Variants in ZNF780B observed in about 807,000 individuals in gnomAD.
The protein encoded by ZNF780B is zinc finger protein 780B, also known as zinc finger protein 779.
In ZNF780B, 52 loss-of-function variants were observed where a neutral mutation model predicts 74.1. The observed-to-expected ratio is 0.70, with a 90% CI of 0.56 to 0.88. The LOEUF is 0.88. Ranked by LOEUF, ZNF780B falls within the 40% of genes least tolerant of loss-of-function variation. The probability of loss-of-function intolerance (pLI) is 0.00; values close to 1 mark genes in which losing one functional copy is unlikely to be tolerated. For missense variants in ZNF780B, 953 were observed against 1,007.6 expected, an observed-to-expected ratio of 0.95 and a Z score of 0.73; for synonymous variants, 315 against 324.3, an observed-to-expected ratio of 0.97 and a Z score of 0.31.
intron 1 of ZNF780B, chr19:40,055,483 G>C (rs1973452820): frequency 6.6e-6 from 1 of 152,086 alleles, no homozygotes; most frequent in Non-Finnish European, 1.5e-5. Flanking sequence ...ATAATAATAC[G>C]ACTGGAGAAG....
chr19:40,039,019 T>A (rs1216605241), intron 4 of ZNF780B, among the ~76,000 whole-genome samples: 1 of 152,256 alleles, frequency 6.6e-6, no homozygotes, highest in East Asian at 1.9e-4. Context: ...TGCCCAGGTT[T>A]TCTTCTAGGG....
chr19:40,056,140 G>A (rs984564872), intron 1 of ZNF780B, 49 bp downstream of exon 1: 5 of 152,266 alleles, frequency 3.3e-5, no homozygotes, highest in African/African-American at 1.2e-4. Context: ...CCCAGTCCAC[G>A]AAGACCTCCC....
At chr19:40,053,182 A>G (rs553848526) in intron 1 of ZNF780B, among the ~76,000 whole-genome samples, 1 of 152,216 alleles carries the variant, frequency 6.6e-6, no homozygotes, top group Non-Finnish European at 1.5e-5. Context: ...CATGTATCTA[A>G]TAAGGGGTTA....
intron 1 of ZNF780B, among the ~76,000 whole-genome samples, chr19:40,054,937 T>C (rs988681743): frequency 2.6e-5 from 4 of 152,194 alleles, no homozygotes; most frequent in Non-Finnish European, 5.9e-5. Flanking sequence ...TATCATCTCA[T>C]GGACTCTCCC....
At chr19:40,044,249 G>A (rs745510023) in intron 4 of ZNF780B, among the ~76,000 whole-genome samples, 1 of 152,112 alleles carries the variant, frequency 6.6e-6, no homozygotes. Flanking sequence ...TCCAACTCTA[G>A]TAAGAGATGC....
chr19:40,039,054 G>T lies in ZNF780B; in HGVS notation c.233-2428C>A, dbSNP rs765268226. On this transcript the variant is annotated intron_variant, in intron 4 of 4. Coordinates refer to ENST00000434248, the MANE Select transcript of ZNF780B (RefSeq NM_001005851.3). The stretch of plus-strand genomic sequence containing the variant: ...GTTTTTATGGTTTTAGGTCTAACAT[G>T]TAAGTCTTTAATCCATCTTGAATTA... 8.9e-3 allele frequency among the ~76,000 whole-genome samples: 1,353 copies of T among 152,132 alleles called. 6 individuals carry two copies. Among genetic ancestry groups the T allele is most frequent in the Non-Finnish European group, 0.011 (771 of 67,960 alleles).
At chr19:40,038,922 C>A (rs916165383) in intron 4 of ZNF780B, among the ~76,000 whole-genome samples, 32 of 151,816 alleles carry the variant, frequency 2.1e-4, no homozygotes, top group African/African-American at 5.8e-4. Flanking sequence ...TTAATTAGAT[C>A]CCATTTGTCA....
intron 4 of ZNF780B, among the ~76,000 whole-genome samples, chr19:40,046,957 G>A (rs979805925): frequency 1.3e-5 from 2 of 152,172 alleles, no homozygotes; most frequent in African/African-American, 4.8e-5. Context: ...TTACACTGGG[G>A]GCCAGAAGCA....
Position 40,035,162 on chromosome 19 carries a change from A to G in ZNF780B, c.1697T>C (p.Phe566Ser). 1 of 1,613,640 alleles carries G rather than the reference A, an allele frequency of 6.2e-7. No homozygotes were observed. Among genetic ancestry groups the G allele is most frequent in the Non-Finnish European group, 8.5e-7 (1 of 1,179,708 alleles). The change falls in exon 5 of 5, where the codon TTT becomes TCT. Residue 566 changes from phenylalanine (F) to serine (S), a missense_variant. Transcript: ENST00000434248. Reference protein sequence around the residue: ...PFECKECGKFFRRGSNLNQHR... With the variant: ...PFECKECGKFSRRGSNLNQHR... ...TTGATTAAGATTTGAACCACGACGA[A>G]AGAATTTCCCACATTCCTTACATTC...
At chr19:40,040,117 T>C (rs1313369669) in intron 4 of ZNF780B, among the ~76,000 whole-genome samples, 2 of 152,216 alleles carry the variant, frequency 1.3e-5, no homozygotes, top group African/African-American at 4.8e-5. Context: ...GTTTTTAGCA[T>C]GAATTTTGTT....
chr19:40,043,736 G>GT (rs1397827137), intron 4 of ZNF780B, among the ~76,000 whole-genome samples: 1 of 152,194 alleles, frequency 6.6e-6, no homozygotes, highest in Non-Finnish European at 1.5e-5. Flanking sequence ...CTGGTGTGCC[G>GT]TTTTTTAAGC....
At position 40,035,778 on chromosome 19, in the gene ZNF780B, AG is replaced by A. The variant is rs1733026884; in HGVS notation, c.1080del (p.Phe361LeufsTer54). On this transcript the variant is annotated frameshift_variant, in exon 5 of 5. Transcript: ENST00000434248. LOFTEE classifies it high-confidence loss of function. ...RHQKIHMGEK[P>X]FECRECGKAF... Reference sequence around the variant, plus strand: ...GCCTTCCCGCATTCCCTGCATTCAAAGGGCTTCTCACCCATATGAATCTTCT... The same window carrying A: ...GCCTTCCCGCATTCCCTGCATTCAAAGGCTTCTCACCCATATGAATCTTCT... 6.2e-7 allele frequency: 1 copy of A among 1,614,038 alleles called. No homozygotes were observed. Among genetic ancestry groups the A allele is most frequent in the Admixed American group, 1.7e-5 (1 of 59,992 alleles).
intron 4 of ZNF780B, among the ~76,000 whole-genome samples, chr19:40,037,651 T>C (rs1028016577): frequency 6.6e-6 from 1 of 152,134 alleles, no homozygotes; most frequent in Non-Finnish European, 1.5e-5. Flanking sequence ...TAAAACTGGT[T>C]TTGAATGGTT....
At chr19:40,045,556 G>A (rs1161427671) in intron 4 of ZNF780B, among the ~76,000 whole-genome samples, 1 of 152,106 alleles carries the variant, frequency 6.6e-6, no homozygotes, top group Non-Finnish European at 1.5e-5. Context: ...AATACCAAAG[G>A]TATGGAATCA....
chr19:40,039,738 T>C (rs1159962353), intron 4 of ZNF780B, among the ~76,000 whole-genome samples: 1 of 152,164 alleles, frequency 6.6e-6, no homozygotes, highest in Non-Finnish European at 1.5e-5. Context: ...TAAGAATGCT[T>C]GTGATTTTTG....
chr19:40,032,634 C>T lies in ZNF780B; in HGVS notation c.*1723G>A, dbSNP rs7250556. On this transcript the variant is annotated 3_prime_UTR_variant, in exon 5 of 5. Coordinates refer to ENST00000434248, the MANE Select transcript of ZNF780B (RefSeq NM_001005851.3). ...TCAGGAGGCTGAGGCGGGAGAATGG[C>T]GTGAACCCAGGAGGCAGAGCTTGCA... The T allele has an allele frequency of 8.0e-3, 1,300 of 161,978 alleles. 17 individuals are homozygous for T. Among genetic ancestry groups the T allele is most frequent in the African/African-American group, 0.03 (1,232 of 40,720 alleles). The allele number at this position is 161,978 out of a possible 1,614,324, so 10.0% of individuals were successfully genotyped here.
chr19:40,035,587 T>A lies in ZNF780B; in HGVS notation c.1272A>T (p.Lys424Asn). 3 of 1,611,760 alleles carry A rather than the reference T, an allele frequency of 1.9e-6. No individual in the cohort carries two copies. Among genetic ancestry groups the A allele is most frequent in the Non-Finnish European group, 2.5e-6 (3 of 1,179,316 alleles). Residue 424 changes from lysine to asparagine, a missense_variant, in exon 5 of 5, where the codon AAA (lysine) becomes AAT (asparagine). Transcript: ENST00000434248. The part of the protein sequence containing the change: ...VKPYECKECG[K>N]GFNRGANLIQ... ...TAAGATTTGCACCACGATTAAAGCCTTTCCCACACTCCTTACATTCATATG... is the reference window on the plus strand; with the variant it reads ...TAAGATTTGCACCACGATTAAAGCCATTCCCACACTCCTTACATTCATATG...
In ZNF780B at chr19:40,035,563, A is replaced by G; in HGVS notation, c.1296T>C (p.Leu432=). Residue 432 remains leucine, a synonymous_variant, in exon 5 of 5, where the codon CTT becomes CTC. Transcript: ENST00000434248. ...TGGAATGAATTTTTTGATGCTGAAT[A>G]AGATTTGCACCACGATTAAAGCCTT... ...CGKGFNRGAN[L]IQHQKIHSNE... 1 of 1,613,446 alleles carries G rather than the reference A, an allele frequency of 6.2e-7. No individual in the cohort carries two copies. Among genetic ancestry groups the G allele is most frequent in the Non-Finnish European group, 8.5e-7 (1 of 1,179,852 alleles).
intron 1 of ZNF780B, among the ~76,000 whole-genome samples, chr19:40,052,735 A>G (rs1030675310): frequency 6.6e-6 from 1 of 152,200 alleles, no homozygotes; most frequent in African/African-American, 2.4e-5. Flanking sequence ...ACATAAAAAC[A>G]GACACCTAGA....
Sources: allele counts gnomAD v4.1 joint callset (sites outside exome capture counted in the v4.1 genomes callset), GRCh38; gene constraint gnomAD v4.1.1; transcripts MANE v1.5; gene names NCBI Gene and HGNC (gene_info 2026-07-23, HGNC 2026-07-21).